The following DGKI variants were observed in gnomAD, a reference collection of about 807,000 sequenced individuals.
DGKI encodes DAG kinase iota.
Under a neutral mutation model 147.5 loss-of-function variants are expected in DGKI, and 55 were observed. The ratio of observed to expected loss-of-function variants is 0.37; its 90% CI spans 0.30 to 0.47. The LOEUF is 0.47. Among genes scored for constraint, DGKI ranks in the 20% least tolerant of loss-of-function variants. DGKI has a pLI of 1.00. For missense variants in DGKI, 1,007 were observed against 1,323.8 expected, an observed-to-expected ratio of 0.76 and a Z score of 3.71; for synonymous variants, 469 against 477.1, an observed-to-expected ratio of 0.98 and a Z score of 0.22.
intron 1 of DGKI, among the ~76,000 whole-genome samples, chr7:137,831,535 T>C (rs530198079): frequency 6.6e-6 from 1 of 152,332 alleles, no homozygotes; most frequent in African/African-American, 2.4e-5. Context: ...TTTACTATTA[T>C]GAGAACAGCA....
intron 5 of DGKI, among the ~76,000 whole-genome samples, chr7:137,648,981 A>G (rs976588863): frequency 1.3e-5 from 2 of 152,218 alleles, no homozygotes; most frequent in East Asian, 3.8e-4. Flanking sequence ...CAAAATCACT[A>G]TCGTAGAAGA....
intron 1 of DGKI, among the ~76,000 whole-genome samples, chr7:137,731,388 C>T (rs907124396): frequency 6.6e-6 from 1 of 152,002 alleles, no homozygotes; most frequent in Non-Finnish European, 1.5e-5. Flanking sequence ...ATTGTTCTTT[C>T]CCCAGTATGT....
intron 20 of DGKI, among the ~76,000 whole-genome samples, chr7:137,532,493 T>C (rs1457136677): frequency 6.6e-6 from 1 of 152,304 alleles, no homozygotes; most frequent in South Asian, 2.1e-4. Flanking sequence ...ATTAATATTT[T>C]ACCTGGACAG....
intron 1 of DGKI, among the ~76,000 whole-genome samples, chr7:137,812,975 A>G (rs1457394085): frequency 6.6e-6 from 1 of 152,342 alleles, no homozygotes; most frequent in South Asian, 2.1e-4. Flanking sequence ...AGAACAGCAG[A>G]AATGGTCAAG....
Position 137,388,525 on chromosome 7 carries a change from G to A in DGKI, c.*2695C>T, listed in dbSNP as rs1047003930. 6.6e-6 allele frequency: 1 copy of A among 152,116 alleles called. No homozygotes were observed. Among genetic ancestry groups the A allele is most frequent in the African/African-American group, 2.4e-5 (1 of 41,438 alleles). 9.4% of individuals were successfully genotyped at this position (152,116 alleles called of 1,614,324 possible). A position where few individuals can be genotyped will look rare whatever the true frequency, so the allele number is the denominator to read the frequency against. On this transcript the variant is annotated 3_prime_UTR_variant, in exon 33 of 33. Coordinates refer to ENST00000614521, the MANE Select transcript of DGKI (RefSeq NM_001321708.2). Reference sequence around the variant, plus strand: ...TCTGTTAAAGTTACATGGCACTTCAGACCAGGACTAGATCACTTGCTTTCC... The same window carrying A: ...TCTGTTAAAGTTACATGGCACTTCAAACCAGGACTAGATCACTTGCTTTCC...
chr7:137,638,443 TACACACACAC>T (rs1181698990), intron 6 of DGKI, among the ~76,000 whole-genome samples: 2,753 of 127,552 alleles, frequency 0.022, 315 homozygotes, highest in African/African-American at 0.078. Flanking sequence ...TATATATATA[TACACACACAC>T]ATATATATGT....
At chr7:137,596,232 G>T (rs972649910) in intron 12 of DGKI, among the ~76,000 whole-genome samples, 1 of 151,990 alleles carries the variant, frequency 6.6e-6, no homozygotes, top group South Asian at 2.1e-4. Context: ...CAACTTATCT[G>T]TTTTTGTCAC....
chr7:137,518,828 G>T (rs1816866620), intron 21 of DGKI, among the ~76,000 whole-genome samples: 2 of 152,062 alleles, frequency 1.3e-5, no homozygotes, highest in Admixed American at 1.3e-4. Context: ...TTTAAAAACA[G>T]ATCATCCTTT....
At chr7:137,691,798 GTTTTTTT>G (rs796902464) in intron 1 of DGKI, among the ~76,000 whole-genome samples, 11 of 95,812 alleles carry the variant, frequency 1.1e-4, no homozygotes, top group South Asian at 5.2e-4. Flanking sequence ...AGACCTTTGG[GTTTTTTT>G]TTTTTTTTTT....
intron 1 of DGKI, among the ~76,000 whole-genome samples, chr7:137,763,738 A>C (rs2116817610): frequency 6.6e-6 from 1 of 152,362 alleles, no homozygotes; most frequent in Admixed American, 6.5e-5. Context: ...TGGGCTAAAA[A>C]GTTTTGACTC....
intron 1 of DGKI, among the ~76,000 whole-genome samples, chr7:137,843,913 TC>T: frequency 6.6e-6 from 1 of 152,022 alleles, no homozygotes; most frequent in South Asian, 2.1e-4. Context: ...CCTCAAATGA[TC>T]CCCCTCACGC....
intron 1 of DGKI, among the ~76,000 whole-genome samples, chr7:137,763,526 T>C (rs1203127023): frequency 6.6e-6 from 1 of 152,256 alleles, no homozygotes; most frequent in Non-Finnish European, 1.5e-5. Flanking sequence ...TTTCATAACC[T>C]GTTCAAGAAT....
chr7:137,811,315 A>G (rs528918399), intron 1 of DGKI, among the ~76,000 whole-genome samples: 1 of 151,930 alleles, frequency 6.6e-6, no homozygotes, highest in East Asian at 1.9e-4. Context: ...AACTAACAAT[A>G]CAGATTTAAT....
At chr7:137,643,579 T>C (rs1254374448) in intron 6 of DGKI, among the ~76,000 whole-genome samples, 2 of 152,136 alleles carry the variant, frequency 1.3e-5, no homozygotes, top group African/African-American at 4.8e-5. Context: ...AATAGTGCAA[T>C]ATTTTTGAAA....
Position 137,585,138 on chromosome 7 carries a change from C to T in DGKI, c.1563+71G>A. ...ATTCATCAGCACATGACTCTCCAGC[C>T]AGGATTTTTTTTCCTGTAGCTCAGG... is the stretch of plus-strand genomic sequence containing the variant. On this transcript the variant is annotated intron_variant, in intron 14 of 32. Transcript: ENST00000614521. 1.9e-6 allele frequency: 3 copies of T among 1,571,858 alleles called. No homozygotes were observed. In the East Asian group the frequency reaches 6.7e-5, roughly 35 times the overall value.
intron 26 of DGKI, 43 bp from the exon 27 acceptor site, chr7:137,463,654 A>G (rs1220737703): frequency 5.6e-6 from 9 of 1,594,638 alleles, no homozygotes; most frequent in African/African-American, 1.3e-5. Context: ...ATTCAAAGTC[A>G]GCCACGTGAC....
At chr7:137,688,678 A>C (rs565896734) in intron 2 of DGKI, among the ~76,000 whole-genome samples, 5 of 152,372 alleles carry the variant, frequency 3.3e-5, no homozygotes, top group African/African-American at 1.2e-4. Flanking sequence ...TGCTCCATGC[A>C]TACCTCTCTT....
At chr7:137,839,454 T>C (rs1798485944) in intron 1 of DGKI, among the ~76,000 whole-genome samples, 1 of 152,246 alleles carries the variant, frequency 6.6e-6, no homozygotes, top group Non-Finnish European at 1.5e-5. Context: ...GACTTGAGTA[T>C]AGATAATACC....
chr7:137,815,623 G>C (rs1388485612), intron 1 of DGKI, among the ~76,000 whole-genome samples: 1 of 152,062 alleles, frequency 6.6e-6, no homozygotes, highest in African/African-American at 2.4e-5. Flanking sequence ...TTCACGCTAG[G>C]GACATGGATA....
Sources: gnomAD v4.1 joint callset for allele counts (sites outside exome capture counted in the v4.1 genomes callset) on GRCh38, gnomAD v4.1.1 for gene constraint, MANE v1.5 for transcripts, NCBI Gene and HGNC (gene_info 2026-07-23, HGNC 2026-07-21) for gene names.